Variants in CADM2 observed in about 807,000 individuals in gnomAD.
The protein encoded by CADM2 is cell adhesion molecule 2, also known as immunoglobulin superfamily member 4D.
In CADM2, 12 loss-of-function variants were observed where a neutral mutation model predicts 49.8. That is an observed-to-expected ratio of 0.24 (90% CI 0.15 to 0.39). CADM2 has a LOEUF of 0.39. Among genes scored for constraint, CADM2 ranks in the 10% least tolerant of loss-of-function variants. The pLI is 1.00. For missense variants in CADM2, 378 were observed against 492.3 expected (o/e 0.77, Z 2.20); for synonymous variants, 214 against 175.4 (o/e 1.22, Z -1.74).
chr3:85,368,561 C>A (rs534093076), intron 1 of CADM2, among the ~76,000 whole-genome samples: 27 of 147,032 alleles, frequency 1.8e-4, no homozygotes, highest in African/African-American at 6.4e-4. Flanking sequence ...TATATATATA[C>A]CTGAATATAT....
chr3:85,220,418 A>G (rs540145677), intron 1 of CADM2, among the ~76,000 whole-genome samples: 6 of 152,236 alleles, frequency 3.9e-5, no homozygotes, highest in African/African-American at 1.2e-4. Context: ...TAGTCTGTCA[A>G]TGCCAACACA....
At chr3:85,333,098 T>C (rs181164888) in intron 1 of CADM2, among the ~76,000 whole-genome samples, 1 of 151,988 alleles carries the variant, frequency 6.6e-6, no homozygotes, top group Non-Finnish European at 1.5e-5. Context: ...ATATTAAATA[T>C]AATGCTCCTG....
At chr3:85,576,874 A>G (rs1287665315) in intron 1 of CADM2, among the ~76,000 whole-genome samples, 1 of 152,188 alleles carries the variant, frequency 6.6e-6, no homozygotes, top group Non-Finnish European at 1.5e-5. Context: ...CATGTGAATA[A>G]TATCCCCTAT....
At chr3:85,566,240 A>G (rs1429736570) in intron 1 of CADM2, among the ~76,000 whole-genome samples, 5 of 152,146 alleles carry the variant, frequency 3.3e-5, no homozygotes, top group African/African-American at 1.2e-4. Context: ...ATTTGATAGC[A>G]TTAATACCTA....
At chr3:85,790,474 G>A (rs964544423) in intron 2 of CADM2, among the ~76,000 whole-genome samples, 3 of 152,152 alleles carry the variant, frequency 2.0e-5, no homozygotes, top group African/African-American at 4.8e-5. Flanking sequence ...CTGGAAAAAA[G>A]AGAGGTAAAA....
At chr3:85,252,030 A>G (rs2042788227) in intron 1 of CADM2, among the ~76,000 whole-genome samples, 2 of 151,960 alleles carry the variant, frequency 1.3e-5, no homozygotes, top group African/African-American at 4.8e-5. Context: ...TTCCCTTGCC[A>G]CAAGGCCAGC....
At chr3:85,476,739 C>A (rs180982486) in intron 1 of CADM2, among the ~76,000 whole-genome samples, 1 of 151,960 alleles carries the variant, frequency 6.6e-6, no homozygotes. Context: ...TACTTTAGAT[C>A]CACAGAAGGA....
At chr3:85,747,324 C>A (rs1188062423) in intron 2 of CADM2, among the ~76,000 whole-genome samples, 4 of 152,018 alleles carry the variant, frequency 2.6e-5, no homozygotes, top group African/African-American at 7.2e-5. Context: ...GTTTTATGAT[C>A]ACCTATGAAT....
chr3:85,673,071 ATAAAGAATGTCAGG>A (rs2065789443), intron 1 of CADM2, among the ~76,000 whole-genome samples: 1 of 152,214 alleles, frequency 6.6e-6, no homozygotes. Flanking sequence ...GCCTTTGACT[ATAAAGAATGTCAGG>A]TAAATGGATG....
chr3:85,357,917 A>T (rs1387667053), intron 1 of CADM2, among the ~76,000 whole-genome samples: 1 of 152,120 alleles, frequency 6.6e-6, no homozygotes, highest in Non-Finnish European at 1.5e-5. Flanking sequence ...TAGCTGTATC[A>T]TCAAATGGAG....
chr3:85,559,505 A>G (rs2062037247), intron 1 of CADM2, among the ~76,000 whole-genome samples: 1 of 152,110 alleles, frequency 6.6e-6, no homozygotes, highest in African/African-American at 2.4e-5. Flanking sequence ...AGTAACAAAC[A>G]TAAGCTACAG....
intron 1 of CADM2, among the ~76,000 whole-genome samples, chr3:85,590,414 T>G (rs2063073294): frequency 6.6e-6 from 1 of 151,924 alleles, no homozygotes; most frequent in Non-Finnish European, 1.5e-5. Flanking sequence ...ATTCAAACTT[T>G]TAGACTGAAA....
chr3:85,657,889 T>C (rs1159767102), intron 1 of CADM2, among the ~76,000 whole-genome samples: 1 of 151,390 alleles, frequency 6.6e-6, no homozygotes, highest in Non-Finnish European at 1.5e-5. Flanking sequence ...GCAGATGTAA[T>C]TGGTTAAGGT....
At position 85,448,332 on chromosome 3, in the gene CADM2, C is replaced by CA. The variant is rs57338759; in HGVS notation, c.62-278167dup. On this transcript the variant is annotated intron_variant, in intron 1 of 9. Transcript: ENST00000383699. ...TGGGCGACAGAGCAAGATTCCGTCTCAAAAAAAAAAAAAAAAAAAAAAATC... is the reference window on the plus strand; with the variant it reads ...TGGGCGACAGAGCAAGATTCCGTCTCAAAAAAAAAAAAAAAAAAAAAAAATC... Among the ~76,000 whole-genome samples the CA allele has an allele frequency of 9.2e-3, 1,183 of 128,888 alleles. 9 individuals are homozygous for CA. The highest frequency in any genetic ancestry group is 0.025 in the African/African-American group (804 of 32,402). The allele number at this position is 128,888 out of a possible 152,430, so 84.6% of individuals were successfully genotyped here.
chr3:86,071,202 G>A lies in CADM2; in HGVS notation c.*4419G>A, dbSNP rs1028923994. 2.0e-5 allele frequency: 3 copies of A among 151,902 alleles called. No individual in the cohort carries two copies. The highest frequency in any genetic ancestry group is 7.2e-5 in the African/African-American group (3 of 41,418). 9.4% of individuals were successfully genotyped at this position (151,902 alleles called of 1,614,324 possible). On this transcript the variant is annotated 3_prime_UTR_variant, in exon 10 of 10. Coordinates refer to ENST00000383699, the MANE Select transcript of CADM2 (RefSeq NM_001167675.2). ...TTCTTCAATTTTGTTTGAAATGTGT[G>A]CATGTTTTCATAGATTGTAGCAAGT...
At chr3:85,487,834 T>C (rs888787990) in intron 1 of CADM2, among the ~76,000 whole-genome samples, 12 of 152,048 alleles carry the variant, frequency 7.9e-5, no homozygotes, top group Non-Finnish European at 1.8e-4. Context: ...TAATGCCTAA[T>C]ACAATCTATC....
chr3:85,290,646 GC>G (rs778915938), intron 1 of CADM2, among the ~76,000 whole-genome samples: 53 of 152,220 alleles, frequency 3.5e-4, no homozygotes, highest in Non-Finnish European at 6.5e-4. Flanking sequence ...CCCCTGAGCT[GC>G]CTAACTGGGA....
intron 8 of CADM2, among the ~76,000 whole-genome samples, chr3:86,040,500 G>T (rs1261027241): frequency 2.0e-5 from 3 of 152,190 alleles, no homozygotes; most frequent in East Asian, 3.9e-4. Flanking sequence ...AAGATCAAAT[G>T]AATTAAATGA....
chr3:85,152,596 T>G (rs367978121), intron 1 of CADM2, among the ~76,000 whole-genome samples: 1 of 152,084 alleles, frequency 6.6e-6, no homozygotes, highest in South Asian at 2.1e-4. Flanking sequence ...AATATCGCAG[T>G]TTTTCAGTTC....
Sources: gnomAD v4.1 joint callset for allele counts (sites outside exome capture counted in the v4.1 genomes callset) on GRCh38, gnomAD v4.1.1 for gene constraint, MANE v1.5 for transcripts, NCBI Gene and HGNC (gene_info 2026-07-23, HGNC 2026-07-21) for gene names.